The following LRP8 variants were observed in gnomAD, a reference collection of about 807,000 sequenced individuals.
The protein encoded by LRP8 is low-density lipoprotein receptor-related protein 8.
Under a neutral mutation model 111.6 loss-of-function variants are expected in LRP8, and 46 were observed. That is an observed-to-expected ratio of 0.41 (90% CI 0.33 to 0.53). The LOEUF is 0.53. LRP8 is among the 20% of genes least tolerant of loss of function. LRP8 has a pLI of 0.20. For missense variants in LRP8, 959 were observed against 1,297.4 expected (o/e 0.74, Z 4.01); for synonymous variants, 464 against 511.2 (o/e 0.91, Z 1.24).
intron 8 of LRP8, among the ~76,000 whole-genome samples, chr1:53,269,296 A>G (rs569629115): frequency 6.7e-6 from 1 of 148,782 alleles, no homozygotes; most frequent in African/African-American, 2.5e-5. Context: ...CACCTCCCTC[A>G]CTCCCTTTTT....
In LRP8 at chr1:53,249,660, C is replaced by T; in HGVS notation, c.2677-104G>A. ...GCTGTGCCACTTTGTGGTCCTCATT[C>T]CCCCAAAAAGCCATGCTGTGTTGTA... On this transcript the variant is annotated intron_variant, in intron 17 of 18. Coordinates refer to ENST00000306052, the MANE Select transcript of LRP8 (RefSeq NM_004631.5). This position sits in a 1 kb window ranked among gnomAD's most constrained non-coding sequence, Gnocchi z 4.1. 3 of 1,435,652 alleles carry T rather than the reference C, an allele frequency of 2.1e-6. No homozygotes were observed. Among genetic ancestry groups the T allele is most frequent in the Non-Finnish European group, 2.7e-6 (3 of 1,093,884 alleles). 88.9% of individuals were successfully genotyped at this position (1,435,652 alleles called of 1,614,324 possible).
At chr1:53,277,250 G>A (rs893506947) in intron 4 of LRP8, among the ~76,000 whole-genome samples, 172 bp from the exon 5 acceptor site, 3 of 152,194 alleles carry the variant, frequency 2.0e-5, no homozygotes, top group Non-Finnish European at 4.4e-5. Flanking sequence ...CTTCCAACAC[G>A]GACATGCTAG....
chr1:53,244,669 C>T lies in LRP8; in HGVS notation c.*2349G>A, dbSNP rs1367855619. ...CATTTTGAGATCTCAGGCTGTATGT[C>T]CAGACCCCATTCATCATTTTTTTCT... On this transcript the variant is annotated 3_prime_UTR_variant, in exon 19 of 19. Transcript: ENST00000306052. The T allele has an allele frequency of 1.3e-5, 2 of 152,162 alleles. No homozygotes were observed. The highest frequency in any genetic ancestry group is 4.8e-5 in the African/African-American group (2 of 41,438). The allele number at this position is 152,162 out of a possible 1,614,324, so 9.4% of individuals were successfully genotyped here.
chr1:53,277,531 T>C (rs1419802200), intron 4 of LRP8, among the ~76,000 whole-genome samples: 1 of 152,144 alleles, frequency 6.6e-6, no homozygotes, highest in Non-Finnish European at 1.5e-5. Flanking sequence ...AAGGCGTCTC[T>C]TGGGTCAGTC....
Position 53,280,610 on chromosome 1 carries a change from G to C in LRP8, c.473C>G (p.Ala158Gly). Residue 158 changes from alanine (A) to glycine (G), a missense_variant, in exon 4 of 19, where the codon GCG becomes GGG. Transcript: ENST00000306052. Reference protein sequence around the residue: ...CDGEKDCEGGADEAGCATLCA... With the variant: ...CDGEKDCEGGGDEAGCATLCA... Reference sequence around the variant, plus strand: ...ACAGGTAGCACAGCCGGCCTCATCCGCTCCACCCTCGCAGTCCTTCTCCCC... The same window carrying C: ...ACAGGTAGCACAGCCGGCCTCATCCCCTCCACCCTCGCAGTCCTTCTCCCC... 6.2e-7 allele frequency: 1 copy of C among 1,612,952 alleles called. No homozygotes were observed. Among genetic ancestry groups the C allele is most frequent in the Non-Finnish European group, 8.5e-7 (1 of 1,180,010 alleles).
rs115607556 is a variant in LRP8, at chr1:53,262,376, A to G, written c.1774+70T>C. The G allele has an allele frequency of 5.2e-3, 7,932 of 1,539,826 alleles. 30 individuals are homozygous for G. The highest frequency in any genetic ancestry group is 6.8e-3 in the Admixed American group (400 of 59,120). ...ATGAGAGGACCCAGAAACAAGACTC[A>G]TGGAGTTCCAGACAGTGATCAGGAC... On this transcript the variant is annotated intron_variant, in intron 11 of 18. Coordinates refer to ENST00000306052, the MANE Select transcript of LRP8 (RefSeq NM_004631.5). The surrounding 1 kb of genome is among the most constrained non-coding windows in gnomAD (Gnocchi z 4.8).
intron 13 of LRP8, 29 bp from the exon 14 acceptor site, chr1:53,258,500 C>T (rs374925360): frequency 6.2e-7 from 1 of 1,610,666 alleles, no homozygotes; most frequent in Non-Finnish European, 8.5e-7. Flanking sequence ...ACAGCTGGGG[C>T]ACAGACAGGA....
chr1:53,320,501 C>T (rs1325829302), intron 2 of LRP8, among the ~76,000 whole-genome samples: 1 of 152,152 alleles, frequency 6.6e-6, no homozygotes. Flanking sequence ...CAGCCAGGCC[C>T]CGTGTTACTA....
At chr1:53,253,910 A>G in intron 16 of LRP8, among the ~76,000 whole-genome samples, 1 of 152,140 alleles carries the variant, frequency 6.6e-6, no homozygotes, top group East Asian at 1.9e-4. Context: ...ATCTACCTTA[A>G]AGGACTTTAT....
intron 2 of LRP8, among the ~76,000 whole-genome samples, chr1:53,324,257 C>T (rs1043616043): frequency 6.6e-6 from 1 of 152,194 alleles, no homozygotes; most frequent in Non-Finnish European, 1.5e-5. Context: ...GAGAACAGTT[C>T]AAAGAAATTC....
chr1:53,244,725 AAACTATGC>A lies in LRP8; in HGVS notation c.*2285_*2292del, dbSNP rs1416435088. The A allele has an allele frequency of 6.6e-6, 1 of 152,234 alleles. No individual in the cohort carries two copies. The highest frequency in any genetic ancestry group is 1.5e-5 in the Non-Finnish European group (1 of 68,032). 9.4% of individuals were successfully genotyped at this position (152,234 alleles called of 1,614,324 possible). On this transcript the variant is annotated 3_prime_UTR_variant, in exon 19 of 19. Coordinates refer to ENST00000306052, the MANE Select transcript of LRP8 (RefSeq NM_004631.5). ...TGCCAGGATCTTACTGAAAGTTTAG[AAACTATGC>A]CTTAGCCACTGTTATCATTTAATTC...
intron 8 of LRP8, among the ~76,000 whole-genome samples, chr1:53,269,747 C>T (rs1646702577): frequency 6.6e-6 from 1 of 152,180 alleles, no homozygotes; most frequent in Non-Finnish European, 1.5e-5. Flanking sequence ...TAGCCCTTAT[C>T]GCCATCTGCC....
At chr1:53,281,729 A>G (rs1303326969) in intron 3 of LRP8, among the ~76,000 whole-genome samples, 2 of 152,220 alleles carry the variant, frequency 1.3e-5, no homozygotes, top group Non-Finnish European at 2.9e-5. Flanking sequence ...CTCTGTGCCA[A>G]TAAAGTGGGG....
In LRP8 at chr1:53,275,941, G is replaced by T. The variant is rs56197497; in HGVS notation, c.884-188C>A. On this transcript the variant is annotated intron_variant, in intron 5 of 18. Coordinates refer to ENST00000306052, the MANE Select transcript of LRP8 (RefSeq NM_004631.5). This position sits in a 1 kb window ranked among gnomAD's most constrained non-coding sequence, Gnocchi z 4.4. ...AGATGGGGAGACTGAAGCTCAGAGA[G>T]GGGGAAGGCCTTGCCCAGGGTCACA... Among the ~76,000 whole-genome samples, 417 of 152,250 alleles carry T rather than the reference G, an allele frequency of 2.7e-3. No homozygotes were observed. Among genetic ancestry groups the T allele is most frequent in the African/African-American group, 9.7e-3 (403 of 41,552 alleles).
chr1:53,261,120 T>C (rs1251929244), intron 12 of LRP8, among the ~76,000 whole-genome samples: 1 of 152,186 alleles, frequency 6.6e-6, no homozygotes, highest in Non-Finnish European at 1.5e-5. Flanking sequence ...TACCCAAATG[T>C]TCATCCACAC....
At chr1:53,326,491 C>T (rs1299355334) in intron 2 of LRP8, among the ~76,000 whole-genome samples, 2 of 152,344 alleles carry the variant, frequency 1.3e-5, no homozygotes, top group Non-Finnish European at 2.9e-5. Flanking sequence ...AACTTTGAAA[C>T]ACGCGCGCGT....
intron 2 of LRP8, among the ~76,000 whole-genome samples, chr1:53,304,340 G>C (rs757179429): frequency 6.6e-6 from 1 of 152,186 alleles, no homozygotes; most frequent in African/African-American, 2.4e-5. Context: ...GGGGAGGAAA[G>C]GCAGGCCCAC....
At chr1:53,325,085 C>T (rs533908563) in intron 2 of LRP8, among the ~76,000 whole-genome samples, 2 of 152,358 alleles carry the variant, frequency 1.3e-5, no homozygotes, top group South Asian at 2.1e-4. Flanking sequence ...TTCCTTGCCT[C>T]GTCCTCAGTA....
At chr1:53,258,204 C>T (rs1646175636) in intron 14 of LRP8, 115 bp downstream of exon 14, 1 of 1,080,538 alleles carries the variant, frequency 9.3e-7, no homozygotes, top group African/African-American at 1.6e-5. Flanking sequence ...CAACAAGTAA[C>T]CAGGGAAGAT....
Sources: gnomAD v4.1 joint callset for allele counts (sites outside exome capture counted in the v4.1 genomes callset) on GRCh38, gnomAD v4.1.1 for gene constraint, Gnocchi (gnomAD v3.1) non-coding constraint, MANE v1.5 for transcripts, NCBI Gene and HGNC (gene_info 2026-07-23, HGNC 2026-07-21) for gene names.